Variants in ITGAM observed in about 807,000 individuals in gnomAD.
The protein encoded by ITGAM is integrin subunit alpha M.
A neutral mutation model predicts 137.5 loss-of-function variants in ITGAM; 79 were observed. The ratio of observed to expected loss-of-function variants is 0.57; its 90% CI spans 0.48 to 0.69. The LOEUF (loss-of-function observed/expected upper bound fraction) is 0.69. ITGAM is among the 30% of genes least tolerant of loss of function. ITGAM has a pLI of 0.00. For synonymous variants in ITGAM, 583 were observed against 592.3 expected, an observed-to-expected ratio of 0.98 and a Z score of 0.23; for missense variants, 1,343 against 1,483.5, an observed-to-expected ratio of 0.91 and a Z score of 1.56.
At chr16:31,280,460 G>T (rs980296205) in intron 12 of ITGAM, among the ~76,000 whole-genome samples, 2 of 152,148 alleles carry the variant, frequency 1.3e-5, no homozygotes, top group African/African-American at 4.8e-5. Flanking sequence ...CACATCCCTT[G>T]TAAGTTGGAT....
At chr16:31,279,882 T>G (rs186631902) in intron 12 of ITGAM, among the ~76,000 whole-genome samples, 115 of 152,358 alleles carry the variant, frequency 7.5e-4, no homozygotes, top group African/African-American at 2.7e-3. Flanking sequence ...GTCTAACATT[T>G]AAGTCTTTAA....
intron 14 of ITGAM, among the ~76,000 whole-genome samples, chr16:31,303,606 C>T (rs889215128): frequency 3.9e-5 from 6 of 152,084 alleles, no homozygotes; most frequent in African/African-American, 1.4e-4. Flanking sequence ...TTACCTCCTC[C>T]CAGACTCCCC....
intron 14 of ITGAM, among the ~76,000 whole-genome samples, chr16:31,312,912 T>G (rs944987300): frequency 6.6e-6 from 1 of 151,712 alleles, no homozygotes; most frequent in African/African-American, 2.4e-5. Context: ...TTTTTATTTA[T>G]TTTTTCTTTT....
In ITGAM at chr16:31,297,562, A is replaced by G. The variant is rs764938988; in HGVS notation, c.1405A>G (p.Asn469Asp). Residue 469 changes from asparagine (N) to aspartate (D), a missense_variant, in exon 13 of 30, where the codon AAC (asparagine) becomes GAC (aspartate). Physicochemically the swap from Asn to Asp is conservative, Grantham distance 23. Transcript: ENST00000544665. ...CCTCTGCTCCGTGGACGTGGACAGCAACGGCAGCACCGACCTGGTCCTCAT... is the reference window on the plus strand; with the variant it reads ...CCTCTGCTCCGTGGACGTGGACAGCGACGGCAGCACCGACCTGGTCCTCAT... ...ASLCSVDVDS[N>D]GSTDLVLIGA... The G allele has an allele frequency of 6.2e-7, 1 of 1,612,168 alleles. No individual in the cohort carries two copies. The highest frequency in any genetic ancestry group is 1.7e-5 in the Admixed American group (1 of 60,008).
At position 31,265,839 on chromosome 16, in the gene ITGAM, G is replaced by A. The variant is rs772364992; in HGVS notation, c.267G>A (p.Leu89=). The A allele has an allele frequency of 6.2e-7, 1 of 1,613,968 alleles. No homozygotes were observed. The highest frequency in any genetic ancestry group is 8.5e-7 in the Non-Finnish European group (1 of 1,179,988). Residue 89 remains leucine (L), a synonymous_variant, in exon 4 of 30, where the codon CTG becomes CTA. Transcript: ENST00000544665. ...QVPVEAVNMS[L]GLSLAATTSP... ...CCGTGGAGGCCGTGAACATGTCCCTGGGCCTGTCCCTGGCAGCCACCACCA... is the reference window on the plus strand; with the variant it reads ...CCGTGGAGGCCGTGAACATGTCCCTAGGCCTGTCCCTGGCAGCCACCACCA...
chr16:31,276,413 C>T (rs989524562), intron 9 of ITGAM, among the ~76,000 whole-genome samples: 1 of 152,042 alleles, frequency 6.6e-6, no homozygotes, highest in African/African-American at 2.4e-5. Context: ...CTCACTGCAA[C>T]CTCTGCCTCC....
In ITGAM at chr16:31,277,036, T is replaced by C; in HGVS notation, c.1200T>C (p.Asn400=). Residue 400 remains asparagine (N), a synonymous_variant, in exon 11 of 30, where the codon AAT becomes AAC. Coordinates refer to ENST00000544665, the MANE Select transcript of ITGAM (RefSeq NM_000632.4). ...INMTRVDSDM[N]DAYLGYAAAI... ...TGACCAGAGTGGATTCAGACATGAA[T>C]GATGCTTACTTGGGTAAGTGGGGAG... 1 of 1,611,516 alleles carries C rather than the reference T, an allele frequency of 6.2e-7. No homozygotes were observed. The highest frequency in any genetic ancestry group is 8.5e-7 in the Non-Finnish European group (1 of 1,178,720).
chr16:31,284,278 G>T (rs934352390), intron 12 of ITGAM, among the ~76,000 whole-genome samples: 3 of 152,228 alleles, frequency 2.0e-5, no homozygotes, highest in Admixed American at 6.5e-5. Flanking sequence ...ATTTAAGTCT[G>T]CAGAAGTTTC....
rs571991321 is a variant in ITGAM at position 31,325,708 on chromosome 16, C to T, written c.2628+86C>T. On this transcript the variant is annotated intron_variant, in intron 21 of 29. Coordinates refer to ENST00000544665, the MANE Select transcript of ITGAM (RefSeq NM_000632.4). ...CTTCTTCTCTTCTTTAGTAGTGGTT[C>T]CTTTTTGTACAAAACAGCTTTATTG... is the stretch of plus-strand genomic sequence containing the variant. 5.2e-5 allele frequency: 77 copies of T among 1,479,844 alleles called. No individual in the cohort carries two copies. In the African/African-American group the frequency reaches 1.0e-3, roughly 20 times the overall value. The allele number at this position is 1,479,844 out of a possible 1,614,324, so 91.7% of individuals were successfully genotyped here. A position where few individuals can be genotyped will look rare whatever the true frequency, so the allele number is the denominator to read the frequency against.
In ITGAM at chr16:31,325,267, G is replaced by A; in HGVS notation, c.2368G>A (p.Asp790Asn). 6.2e-7 allele frequency: 1 copy of A among 1,611,238 alleles called. No individual in the cohort carries two copies. The highest frequency in any genetic ancestry group is 2.2e-5 in the East Asian group (1 of 44,884). Residue 790 changes from aspartate to asparagine, a missense_variant, in exon 20 of 30, where the codon GAC becomes AAC. Transcript: ENST00000544665. ...LSITFSFMSL[D>N]CLVVGGPREF... ...CCTGTCTTCTTCTTCCCACAGCCTG[G>A]ACTGCCTCGTGGTGGGTGGGCCCCG...
Position 31,292,679 on chromosome 16 carries a change from G to T in ITGAM, c.1357-4835G>T, listed in dbSNP as rs141764654. 8.5e-5 allele frequency among the ~76,000 whole-genome samples: 13 copies of T among 152,204 alleles called. No homozygotes were observed. The East Asian group carries it at 1.9e-3, about 23-fold the overall frequency. On this transcript the variant is annotated intron_variant, in intron 12 of 29. Transcript: ENST00000544665. ...CCTATTTGTTATTGGTGGGCATTTAGGTTGATTCCATGTTTTGCTATTGTG... is the reference window on the plus strand; with the variant it reads ...CCTATTTGTTATTGGTGGGCATTTATGTTGATTCCATGTTTTGCTATTGTG...
intron 14 of ITGAM, among the ~76,000 whole-genome samples, chr16:31,311,222 G>T (rs1310127952): frequency 6.6e-6 from 1 of 152,180 alleles, no homozygotes; most frequent in Admixed American, 6.5e-5. Context: ...ACATAGGCAT[G>T]GGCAAGGACT....
At chr16:31,281,328 A>G (rs1242864434) in intron 12 of ITGAM, among the ~76,000 whole-genome samples, 4 of 152,136 alleles carry the variant, frequency 2.6e-5, no homozygotes, top group Non-Finnish European at 4.4e-5. Context: ...GGTAGAATTC[A>G]GCTGTGAATC....
intron 12 of ITGAM, among the ~76,000 whole-genome samples, chr16:31,294,734 C>T (rs903858925): frequency 6.6e-6 from 1 of 151,958 alleles, no homozygotes; most frequent in Non-Finnish European, 1.5e-5. Context: ...GATGCCACCC[C>T]ATTTGTCTGG....
Position 31,266,115 on chromosome 16 carries a change from A to G in ITGAM, c.395A>G (p.Gln132Arg), listed in dbSNP as rs748331571. The G allele has an allele frequency of 2.5e-6, 4 of 1,613,778 alleles. No individual in the cohort carries two copies. Among genetic ancestry groups the G allele is most frequent in the Non-Finnish European group, 3.4e-6 (4 of 1,179,888 alleles). The change falls in exon 5 of 30, where the codon CAG (glutamine) becomes CGG (arginine). Residue 132 changes from glutamine (Q) to arginine (R), a missense_variant. Coordinates refer to ENST00000544665, the MANE Select transcript of ITGAM (RefSeq NM_000632.4). ...LCFLFGSNLR[Q>R]QPQKFPEALR... is the part of the protein sequence containing the mutation. ...TTCCTGTTTGGATCCAACCTACGGCAGCAGCCCCAGAAGTTCCCAGAGGCC... is the reference window on the plus strand; with the variant it reads ...TTCCTGTTTGGATCCAACCTACGGCGGCAGCCCCAGAAGTTCCCAGAGGCC...
chr16:31,328,133 T>G lies in ITGAM; in HGVS notation c.2709-14T>G. The G allele has an allele frequency of 6.2e-7, 1 of 1,608,280 alleles. No homozygotes were observed. Among genetic ancestry groups the G allele is most frequent in the Non-Finnish European group, 8.5e-7 (1 of 1,174,798 alleles). On this transcript the variant is annotated splice_polypyrimidine_tract_variant and intron_variant, in intron 22 of 29. Transcript: ENST00000544665. ...GTTCTCAAGAGCCGGCTGGAGCTCT[T>G]TCTTTCCCTCCAGTGAGAACAACAT...
intron 5 of ITGAM, among the ~76,000 whole-genome samples, chr16:31,270,738 T>A (rs1567248912): frequency 8.7e-6 from 1 of 115,128 alleles, no homozygotes; most frequent in African/African-American, 3.7e-5. Flanking sequence ...TATATATATA[T>A]ATATATGTTT....
chr16:31,264,659 A>G (rs2079743451), intron 2 of ITGAM, among the ~76,000 whole-genome samples: 1 of 151,628 alleles, frequency 6.6e-6, no homozygotes, highest in Non-Finnish European at 1.5e-5. Flanking sequence ...AAAAAAAAAA[A>G]TGGTTGGCCT....
Position 31,331,858 on chromosome 16 carries a change from TGC to T in ITGAM, c.*153_*154del, listed in dbSNP as rs1597046925. Reference sequence around the variant, plus strand: ...ATTTGTGTGTGTGCAAGTGTGTATGTGCGTGTGTGCAAGTGTCTGTGTGCAAG... The same window carrying T: ...ATTTGTGTGTGTGCAAGTGTGTATGTGTGTGTGCAAGTGTCTGTGTGCAAG... On this transcript the variant is annotated 3_prime_UTR_variant, in exon 30 of 30. Transcript: ENST00000544665. 1 of 480,628 alleles carries T rather than the reference TGC, an allele frequency of 2.1e-6. No individual in the cohort carries two copies. The highest frequency in any genetic ancestry group is 2.5e-5 in the African/African-American group (1 of 39,778). 29.8% of individuals were successfully genotyped at this position (480,628 alleles called of 1,614,324 possible). A position where few individuals can be genotyped will look rare whatever the true frequency, so the allele number is the denominator to read the frequency against.
Sources: gnomAD v4.1 joint callset for allele counts (sites outside exome capture counted in the v4.1 genomes callset) on GRCh38, gnomAD v4.1.1 for gene constraint, MANE v1.5 for transcripts, NCBI Gene and HGNC (gene_info 2026-07-23, HGNC 2026-07-21) for gene names.